Variants in CHIC1 observed in about 807,000 individuals in gnomAD.
CHIC1 encodes cysteine-rich hydrophobic domain-containing protein 1.
A neutral mutation model predicts 18.5 loss-of-function variants in CHIC1; 7 were observed. The observed-to-expected ratio is 0.38, with a 90% CI of 0.22 to 0.71. CHIC1 has a LOEUF of 0.71. CHIC1 is among the 30% of genes least tolerant of loss of function. CHIC1 has a pLI of 0.49. For missense variants in CHIC1, 159 were observed against 176.9 expected, an observed-to-expected ratio of 0.90 and a Z score of 0.57; for synonymous variants, 77 against 73.5, an observed-to-expected ratio of 1.05 and a Z score of -0.25.
At chrX:73,680,633 TA>T (rs752771967) in intron 5 of CHIC1, among the ~76,000 whole-genome samples, 2 of 110,941 alleles carry the variant, frequency 1.8e-5, no homozygotes, top group African/African-American at 6.5e-5. Context: ...AACAAAGAGA[TA>T]GGGGTGTGGG....
intron 3 of CHIC1, among the ~76,000 whole-genome samples, chrX:73,656,799 T>G (rs1413002532): frequency 1.8e-5 from 2 of 111,968 alleles, no homozygotes; most frequent in Non-Finnish European, 3.8e-5. Context: ...TTTTTTTGTG[T>G]CATATGAATT....
intron 3 of CHIC1, among the ~76,000 whole-genome samples, chrX:73,649,345 A>G (rs146662800): frequency 2.1e-4 from 24 of 111,873 alleles, no homozygotes; most frequent in African/African-American, 7.8e-4. Flanking sequence ...ATTCACATAT[A>G]ACAATATTAA....
chrX:73,563,388 C>A lies in CHIC1; in HGVS notation c.104C>A (p.Ser35Ter). 8.6e-7 allele frequency: 1 copy of A among 1,156,706 alleles called. No homozygotes were observed. Among genetic ancestry groups the A allele is most frequent in the Non-Finnish European group, 1.2e-6 (1 of 867,357 alleles). ...AATSSSSPSS[S>*]SSVSGPDDDE... The stretch of plus-strand genomic sequence containing the variant: ...ACGTCGTCGTCGTCGCCGTCGTCGT[C>A]GTCGTCGGTATCTGGGCCCGACGAT... The change falls in exon 1 of 6, where the codon TCG (serine) becomes TAG (stop). Residue 35 changes from serine to a stop codon, truncating the protein, a stop_gained. Coordinates refer to ENST00000373502, the MANE Select transcript of CHIC1 (RefSeq NM_001039840.4). LOFTEE classifies it high-confidence loss of function.
chrX:73,619,427 C>G (rs1464155212), intron 3 of CHIC1, among the ~76,000 whole-genome samples: 1 of 111,028 alleles, frequency 9.0e-6, no homozygotes, highest in Admixed American at 9.6e-5. Context: ...TTACTCCTTT[C>G]ATTTTCTTGT....
At chrX:73,574,521 C>T (rs747233460) in intron 1 of CHIC1, among the ~76,000 whole-genome samples, 1 of 110,416 alleles carries the variant, frequency 9.1e-6, no homozygotes. Flanking sequence ...CTTCTTTGTA[C>T]ATCTGATAGA....
chrX:73,598,737 G>A (rs1285020469), intron 3 of CHIC1, among the ~76,000 whole-genome samples: 1 of 110,100 alleles, frequency 9.1e-6, no homozygotes, highest in Non-Finnish European at 1.9e-5. Flanking sequence ...ATCATTGTTG[G>A]GCATTTGGGT....
intron 3 of CHIC1, among the ~76,000 whole-genome samples, chrX:73,642,175 C>A (rs1028318701): frequency 1.6e-4 from 18 of 111,547 alleles, no homozygotes; most frequent in African/African-American, 5.9e-4. Context: ...TCCTCTCCAG[C>A]ACCTGTTGTT....
intron 3 of CHIC1, among the ~76,000 whole-genome samples, chrX:73,669,674 C>G (rs779765650): frequency 8.9e-6 from 1 of 112,041 alleles, no homozygotes; most frequent in Non-Finnish European, 1.9e-5. Flanking sequence ...CACTGTGCTG[C>G]GTTGCTGGGG....
chrX:73,672,115 T>C (rs2058034092), intron 3 of CHIC1, among the ~76,000 whole-genome samples: 1 of 112,077 alleles, frequency 8.9e-6, no homozygotes, highest in African/African-American at 3.2e-5. Context: ...TTTTTATGGC[T>C]GCATAGTATT....
At chrX:73,628,679 T>G in intron 3 of CHIC1, among the ~76,000 whole-genome samples, 1 of 111,216 alleles carries the variant, frequency 9.0e-6, no homozygotes, top group Non-Finnish European at 1.9e-5. Flanking sequence ...AGGGGTGGCT[T>G]CTGTGATTCT....
intron 3 of CHIC1, among the ~76,000 whole-genome samples, chrX:73,645,841 A>G (rs2147604684): frequency 9.0e-6 from 1 of 111,560 alleles, no homozygotes; most frequent in South Asian, 3.8e-4. Context: ...CTCCCAATCC[A>G]TGCAATTGTC....
At chrX:73,661,244 A>G (rs958837038) in intron 3 of CHIC1, among the ~76,000 whole-genome samples, 1 of 112,438 alleles carries the variant, frequency 8.9e-6, no homozygotes, top group African/African-American at 3.2e-5. Context: ...CAGGAAAGGC[A>G]TGAGTGCTAA....
At chrX:73,580,573 T>G (rs765730791) in intron 2 of CHIC1, among the ~76,000 whole-genome samples, 32 of 110,870 alleles carry the variant, frequency 2.9e-4, no homozygotes, top group African/African-American at 1.0e-3. Flanking sequence ...TTCATTTGTT[T>G]AGGTTCCTTT....
chrX:73,632,763 CTTT>C (rs778008597), intron 3 of CHIC1, among the ~76,000 whole-genome samples: 1 of 63,654 alleles, frequency 1.6e-5, no homozygotes, highest in Non-Finnish European at 3.0e-5. Flanking sequence ...TATTGTTATT[CTTT>C]TTTTTTTTTT....
Position 73,661,434 on chromosome X carries a change from C to A in CHIC1, c.508-17892C>A, listed in dbSNP as rs189719693. On this transcript the variant is annotated intron_variant, in intron 3 of 5. Transcript: ENST00000373502. ...GGGCATTGCAGGATAATTTATTTAG[C>A]TAGTCTCTGGGTAAGTTGAAATTGT... Among the ~76,000 whole-genome samples, 16 of 111,949 alleles carry A rather than the reference C, an allele frequency of 1.4e-4. No individual in the cohort carries two copies. In the East Asian group the frequency reaches 4.5e-3, roughly 32 times the overall value.
At position 73,683,897 on chromosome X, in the gene CHIC1, T is replaced by C. The variant is rs747401611; in HGVS notation, c.*2892T>C. Reference sequence around the variant, plus strand: ...AGATTTATTAACTCCATCCCAGATATGTCTCCACTCTTTGTTCCCTCCTAA... The same window carrying C: ...AGATTTATTAACTCCATCCCAGATACGTCTCCACTCTTTGTTCCCTCCTAA... On this transcript the variant is annotated 3_prime_UTR_variant, in exon 6 of 6. Coordinates refer to ENST00000373502, the MANE Select transcript of CHIC1 (RefSeq NM_001039840.4). 1.8e-5 allele frequency: 2 copies of C among 111,834 alleles called. No homozygotes were observed. The highest frequency in any genetic ancestry group is 1.9e-4 in the Admixed American group (2 of 10,423). The allele number at this position is 111,834 out of a possible 1,213,427, so 9.2% of individuals were successfully genotyped here.
Position 73,605,105 on chromosome X carries a change from A to T in CHIC1, c.507+20533A>T, listed in dbSNP as rs575929760. Among the ~76,000 whole-genome samples, 4 of 108,041 alleles carry T rather than the reference A, an allele frequency of 3.7e-5. No individual in the cohort carries two copies. The South Asian group carries it at 1.5e-3, about 42-fold the overall frequency. 93.8% of individuals were successfully genotyped at this position (108,041 alleles called of 115,157 possible). On this transcript the variant is annotated intron_variant, in intron 3 of 5. Transcript: ENST00000373502. ...TCTAATATTGACAGTGGGGTGTTAA[A>T]GTCTCCCACTATTATCGTGTAGGAG...
At chrX:73,679,168 T>C (rs1473063832) in intron 3 of CHIC1, among the ~76,000 whole-genome samples, 158 bp from the exon 4 acceptor site, 3 of 111,911 alleles carry the variant, frequency 2.7e-5, no homozygotes, top group Non-Finnish European at 5.6e-5. Context: ...TACTCCTTTT[T>C]AGCATTTTCT....
upstream of CHIC1, chrX:73,563,185 C>G (rs1187083805): frequency 3.3e-6 from 3 of 916,098 alleles, no homozygotes; most frequent in African/African-American, 6.7e-5. Flanking sequence ...TGTCCCTACA[C>G]CCCTCCTCTT....
Sources: gnomAD v4.1 joint callset for allele counts (sites outside exome capture counted in the v4.1 genomes callset) on GRCh38, gnomAD v4.1.1 for gene constraint, MANE v1.5 for transcripts, NCBI Gene and HGNC (gene_info 2026-07-23, HGNC 2026-07-21) for gene names.